Variants in EPB41L5 observed in about 807,000 individuals in gnomAD.
EPB41L5 encodes the protein band 4.1-like protein 5.
In EPB41L5, 55 loss-of-function variants were observed where a neutral mutation model predicts 106.6. That is an observed-to-expected ratio of 0.52 (90% CI 0.42 to 0.65). The LOEUF (loss-of-function observed/expected upper bound fraction) is 0.65. EPB41L5 is among the 30% of genes least tolerant of loss of function. The pLI is 0.00. For missense variants in EPB41L5, 871 were observed against 882.1 expected (o/e 0.99, Z 0.16); for synonymous variants, 297 against 306.7 (o/e 0.97, Z 0.33).
chr2:120,071,645 C>T (rs1681876087), intron 3 of EPB41L5, among the ~76,000 whole-genome samples: 1 of 152,174 alleles, frequency 6.6e-6, no homozygotes, highest in African/African-American at 2.4e-5. Flanking sequence ...ACCATCTTAT[C>T]TTTGATAAAC....
intron 17 of EPB41L5, among the ~76,000 whole-genome samples, chr2:120,128,397 C>G (rs576965028): frequency 6.6e-6 from 1 of 152,128 alleles, no homozygotes; most frequent in South Asian, 2.1e-4. Context: ...CAGCAGTTTC[C>G]TGTTGAATCT....
chr2:120,075,676 TAACA>T (rs1682180016), intron 6 of EPB41L5, 21 bp from the exon 7 acceptor site: 3 of 1,603,796 alleles, frequency 1.9e-6, no homozygotes, highest in Non-Finnish European at 2.6e-6. Context: ...TCAACTTGTC[TAACA>T]AACTTGTGTT....
At chr2:120,014,729 TA>T (rs1472792001) in intron 1 of EPB41L5, among the ~76,000 whole-genome samples, 1 of 151,710 alleles carries the variant, frequency 6.6e-6, no homozygotes, top group African/African-American at 2.4e-5. Context: ...GGTCCAGAAT[TA>T]AAAAGACTCT....
intron 24 of EPB41L5, among the ~76,000 whole-genome samples, chr2:120,172,523 A>G (rs899156170): frequency 6.6e-6 from 1 of 152,170 alleles, no homozygotes; most frequent in Non-Finnish European, 1.5e-5. Context: ...AGTTTTCCCA[A>G]ACTATCAGTG....
At chr2:120,068,183 G>A (rs1054308138) in intron 3 of EPB41L5, among the ~76,000 whole-genome samples, 6 of 152,236 alleles carry the variant, frequency 3.9e-5, no homozygotes, top group Admixed American at 1.3e-4. Context: ...AGGGGTCGGG[G>A]AACTCCCTCC....
chr2:120,124,754 A>T (rs1259857822), intron 16 of EPB41L5, among the ~76,000 whole-genome samples: 1 of 152,138 alleles, frequency 6.6e-6, no homozygotes, highest in Non-Finnish European at 1.5e-5. Context: ...TTAATCATGA[A>T]CAGTTCCCCC....
At chr2:120,071,492 C>T (rs181989626) in intron 3 of EPB41L5, among the ~76,000 whole-genome samples, 20 of 152,296 alleles carry the variant, frequency 1.3e-4, no homozygotes, top group Admixed American at 3.3e-4. Flanking sequence ...GCAAAAAGAA[C>T]GAAGCCGGAG....
chr2:120,134,745 C>T (rs1401634112), intron 18 of EPB41L5, among the ~76,000 whole-genome samples: 1 of 152,132 alleles, frequency 6.6e-6, no homozygotes, highest in African/African-American at 2.4e-5. Context: ...GCATGAGGTT[C>T]CCCCTAATGC....
intron 3 of EPB41L5, among the ~76,000 whole-genome samples, chr2:120,053,012 C>G (rs970093181): frequency 3.3e-5 from 5 of 152,202 alleles, no homozygotes; most frequent in Non-Finnish European, 5.9e-5. Context: ...GAACCAGTCT[C>G]TAGCCTCTCC....
At chr2:120,054,201 C>T (rs908007873) in intron 3 of EPB41L5, among the ~76,000 whole-genome samples, 4 of 152,154 alleles carry the variant, frequency 2.6e-5, no homozygotes, top group African/African-American at 9.7e-5. Flanking sequence ...GTTTGTGTAT[C>T]TTCTTTGGAG....
chr2:120,042,155 A>G (rs1274311029), intron 3 of EPB41L5, 45 bp downstream of exon 3: 1 of 1,418,102 alleles, frequency 7.1e-7, no homozygotes, highest in African/African-American at 1.4e-5. Flanking sequence ...GAGAAGAAAC[A>G]GGAAATTTCA....
intron 3 of EPB41L5, among the ~76,000 whole-genome samples, chr2:120,060,637 A>T (rs6730120): frequency 6.6e-6 from 1 of 152,206 alleles, no homozygotes; most frequent in South Asian, 2.1e-4. Context: ...TGGTGACTAT[A>T]AATGAGTAAT....
chr2:120,117,291 C>G (rs1020676683), intron 16 of EPB41L5, among the ~76,000 whole-genome samples: 2 of 152,172 alleles, frequency 1.3e-5, no homozygotes, highest in Non-Finnish European at 2.9e-5. Flanking sequence ...TAAACAGTTT[C>G]AGAATTGCTA....
intron 20 of EPB41L5, among the ~76,000 whole-genome samples, chr2:120,148,668 A>G (rs1420785859): frequency 6.6e-6 from 1 of 152,062 alleles, no homozygotes; most frequent in Non-Finnish European, 1.5e-5. Flanking sequence ...ATTTGTCCAT[A>G]TTGTAGCATA....
chr2:120,085,344 G>A (rs1013588040), intron 10 of EPB41L5, among the ~76,000 whole-genome samples: 1 of 152,118 alleles, frequency 6.6e-6, no homozygotes, highest in African/African-American at 2.4e-5. Flanking sequence ...TCCAACAGCT[G>A]CAGGTCTGTT....
intron 15 of EPB41L5, 64 bp downstream of exon 15, chr2:120,100,350 T>C (rs901159727): frequency 1.4e-6 from 2 of 1,472,902 alleles, no homozygotes; most frequent in South Asian, 1.2e-5. Context: ...AGTAGTAGTA[T>C]TGATTGGATT....
At chr2:120,075,661 T>C (rs776219044) in intron 6 of EPB41L5, 40 bp from the exon 7 acceptor site, 2 of 1,560,498 alleles carry the variant, frequency 1.3e-6, no homozygotes, top group South Asian at 1.1e-5. Flanking sequence ...ATGAAGGTTA[T>C]GAAATCAACT....
chr2:120,157,751 G>T, intron 20 of EPB41L5, among the ~76,000 whole-genome samples: 1 of 147,258 alleles, frequency 6.8e-6, no homozygotes, highest in South Asian at 2.2e-4. Context: ...CCTGGGAAAC[G>T]GAGTGAGACC....
Position 120,099,594 on chromosome 2 carries a change from A to AT in EPB41L5, c.1179-644dup, listed in dbSNP as rs374117444. Among the ~76,000 whole-genome samples, 799 of 151,826 alleles carry AT rather than the reference A, an allele frequency of 5.3e-3. 4 individuals carry two copies. Among genetic ancestry groups the AT allele is most frequent in the African/African-American group, 0.019 (769 of 41,386 alleles). ...AGGTGCCCGCCACCACACCCAGCTA[A>AT]TTTTTTGTATTTTTAGTAGAGACAG... On this transcript the variant is annotated intron_variant, in intron 14 of 24. Transcript: ENST00000263713.
Sources: gnomAD v4.1 joint callset for allele counts (sites outside exome capture counted in the v4.1 genomes callset) on GRCh38, gnomAD v4.1.1 for gene constraint, MANE v1.5 for transcripts, NCBI Gene and HGNC (gene_info 2026-07-23, HGNC 2026-07-21) for gene names.